Variants in PCDHGB1 observed in about 807,000 individuals in gnomAD.
PCDHGB1 encodes protocadherin gamma-B1.
Under a neutral mutation model 56.6 loss-of-function variants are expected in PCDHGB1, and 34 were observed. That is an observed-to-expected ratio of 0.60 (90% CI 0.46 to 0.80). The LOEUF (loss-of-function observed/expected upper bound fraction) is 0.80, where lower values mean the gene tolerates loss of function less well. PCDHGB1 is among the 30% of genes least tolerant of loss of function. The pLI, the probability that PCDHGB1 is intolerant of heterozygous loss-of-function variation, is 0.00. For synonymous variants in PCDHGB1, 561 were observed against 505.9 expected, an observed-to-expected ratio of 1.11 and a Z score of -1.46; for missense variants, 1,278 against 1,204.6, an observed-to-expected ratio of 1.06 and a Z score of -0.90.
chr5:141,505,570 C>A, intron 3 of PCDHGB1, 89 bp downstream of exon 3: 1 of 1,598,160 alleles, frequency 6.3e-7, no homozygotes, highest in South Asian at 1.1e-5. Context: ...GACTGGATGT[C>A]AAACCTGTGT....
chr5:141,399,278 G>A (rs1373250809), intron 1 of PCDHGB1: 2 of 1,613,792 alleles, frequency 1.2e-6, no homozygotes, highest in African/African-American at 1.3e-5. Context: ...CAATTACAAG[G>A]CGAAGTCCCT....
chr5:141,489,267 C>A lies in PCDHGB1; in HGVS notation c.2410-5540C>A. On this transcript the variant is annotated intron_variant, in intron 1 of 3. Transcript: ENST00000523390. This position sits in a 1 kb window ranked among gnomAD's most constrained non-coding sequence, Gnocchi z 4.5. ...TGGGGCCCAAGACACTCCCACAGCT[C>A]GCTGGGAAATGGCAAGTGCTGTGCA... is the stretch of plus-strand genomic sequence containing the variant. 1 of 1,553,300 alleles carries A rather than the reference C, an allele frequency of 6.4e-7. No homozygotes were observed. The highest frequency in any genetic ancestry group is 8.7e-7 in the Non-Finnish European group (1 of 1,149,864).
chr5:141,421,515 CTG>C, intron 1 of PCDHGB1: 1 of 1,614,080 alleles, frequency 6.2e-7, no homozygotes, highest in Non-Finnish European at 8.5e-7. Context: ...GGGAGGAGCT[CTG>C]TGAGACGGTG....
chr5:141,357,407 C>T lies in PCDHGB1; in HGVS notation c.2409+4738C>T, dbSNP rs752595373. 1.5e-5 allele frequency: 25 copies of T among 1,614,128 alleles called. No individual in the cohort carries two copies. The East Asian group carries it at 4.7e-4, about 30-fold the overall frequency. ...GAAGGCAGCAGGTTGGCAGGTGTGC[C>T]TGCCTCGCACTTTGTGGGCGTGGAC... On this transcript the variant is annotated intron_variant, in intron 1 of 3. Transcript: ENST00000523390.
At chr5:141,377,453 C>T (rs1242702883) in intron 1 of PCDHGB1, 1 of 151,916 alleles carries the variant, frequency 6.6e-6, no homozygotes, top group Non-Finnish European at 1.5e-5. Flanking sequence ...AAAAAGTAGC[C>T]AGATGTGTGG....
chr5:141,393,984 C>T (rs1176875822), intron 1 of PCDHGB1: 1 of 1,613,570 alleles, frequency 6.2e-7, no homozygotes, highest in Non-Finnish European at 8.5e-7. Flanking sequence ...TGATAATTTA[C>T]CTTTTAAATT....
At chr5:141,376,952 G>T (rs1773571680) in intron 1 of PCDHGB1, 1 of 165,710 alleles carries the variant, frequency 6.0e-6, no homozygotes, top group African/African-American at 2.4e-5. Flanking sequence ...CTCCCAAAGT[G>T]CTGGGATTAC....
chr5:141,398,799 C>A, intron 1 of PCDHGB1: 1 of 1,613,966 alleles, frequency 6.2e-7, no homozygotes, highest in South Asian at 1.1e-5. Context: ...CCCTAAGCGG[C>A]ACCACTGAGC....
chr5:141,448,338 T>A (rs1053822287), intron 1 of PCDHGB1, among the ~76,000 whole-genome samples: 1 of 152,192 alleles, frequency 6.6e-6, no homozygotes, highest in African/African-American at 2.4e-5. Context: ...TATAGCCATG[T>A]ACCTCAATCT....
At chr5:141,430,996 G>C in intron 1 of PCDHGB1, 8 of 1,614,024 alleles carry the variant, frequency 5.0e-6, no homozygotes, top group Middle Eastern at 3.3e-4. Context: ...CCCTGAATCC[G>C]CGCAGCGGCA....
At chr5:141,371,563 T>C in intron 1 of PCDHGB1, 2 of 1,613,806 alleles carry the variant, frequency 1.2e-6, no homozygotes, top group Non-Finnish European at 1.7e-6. Flanking sequence ...AAAGGAAACT[T>C]CCCCTTTAAA....
At chr5:141,371,062 G>GGGTAA (rs757228720) in intron 1 of PCDHGB1, 2 of 1,613,974 alleles carry the variant, frequency 1.2e-6, no homozygotes, top group South Asian at 2.2e-5. Flanking sequence ...CCCTCCAGAA[G>GGGTAA]CTGTACCACC....
chr5:141,436,962 C>A (rs1462988296), intron 1 of PCDHGB1, among the ~76,000 whole-genome samples: 1 of 152,144 alleles, frequency 6.6e-6, no homozygotes, highest in Non-Finnish European at 1.5e-5. Context: ...AAACAAGGAT[C>A]TTGTGAAACT....
At chr5:141,402,260 A>C (rs2094244604) in intron 1 of PCDHGB1, among the ~76,000 whole-genome samples, 2 of 152,144 alleles carry the variant, frequency 1.3e-5, no homozygotes, top group South Asian at 4.1e-4. Context: ...AACCCCAGAA[A>C]ATAATTTCAA....
At position 141,477,055 on chromosome 5, in the gene PCDHGB1, G is replaced by A. The variant is rs531755338; in HGVS notation, c.2410-17752G>A. Reference sequence around the variant, plus strand: ...CAATCAAGGGTCGGCTGGACTTCGAGGACACCAAACTCCATGAGATTTACA... The same window carrying A: ...CAATCAAGGGTCGGCTGGACTTCGAAGACACCAAACTCCATGAGATTTACA... On this transcript the variant is annotated intron_variant, in intron 1 of 3. Transcript: ENST00000523390. This position sits in a 1 kb window ranked among gnomAD's most constrained non-coding sequence, Gnocchi z 4.9. The A allele has an allele frequency of 4.5e-5, 72 of 1,614,242 alleles. 1 individual carries two copies. In the South Asian group the frequency reaches 7.8e-4, roughly 17 times the overall value.
chr5:141,366,679 G>C (rs1414514905), intron 1 of PCDHGB1: 2 of 1,614,156 alleles, frequency 1.2e-6, no homozygotes, highest in Non-Finnish European at 1.7e-6. Flanking sequence ...TTAGTGAAGA[G>C]AGCTGTGAGA....
chr5:141,477,189 A>G lies in PCDHGB1; in HGVS notation c.2410-17618A>G, dbSNP rs377372902. ...CCGGAGATCACAGTCACCTCCGTGT[A>G]CAGCCCAGTACCCGAGGATGCCCCT... On this transcript the variant is annotated intron_variant, in intron 1 of 3. Coordinates refer to ENST00000523390, the MANE Select transcript of PCDHGB1 (RefSeq NM_018922.3). The surrounding 1 kb of genome is among the most constrained non-coding windows in gnomAD (Gnocchi z 4.9). 6.2e-7 allele frequency: 1 copy of G among 1,614,070 alleles called. No homozygotes were observed. The highest frequency in any genetic ancestry group is 8.5e-7 in the Non-Finnish European group (1 of 1,180,040).
rs1758648471 is a variant in PCDHGB1, at chr5:141,351,108, T to C, written c.848T>C (p.Ile283Thr). The C allele has an allele frequency of 6.2e-7, 1 of 1,613,900 alleles. No homozygotes were observed. Among genetic ancestry groups the C allele is most frequent in the African/African-American group, 1.3e-5 (1 of 74,914 alleles). Residue 283 changes from isoleucine to threonine, a missense_variant, in exon 1 of 4, where the codon ATA (isoleucine) becomes ACA (threonine). Transcript: ENST00000523390. ...ACCTATGCCTTCCTCAATTCCCCAA[T>C]AAGTACCAGCCTCTTCAATCTCAAT... The part of the protein sequence containing the change: ...EITYAFLNSP[I>T]STSLFNLNPN...
intron 1 of PCDHGB1, chr5:141,360,455 A>C (rs369787624): frequency 6.2e-7 from 1 of 1,613,862 alleles, no homozygotes; most frequent in Non-Finnish European, 8.5e-7. Context: ...CTGGATTTCG[A>C]TACTGTCGCT....
Sources: allele counts gnomAD v4.1 joint callset (sites outside exome capture counted in the v4.1 genomes callset), GRCh38; gene constraint gnomAD v4.1.1; non-coding constraint Gnocchi (gnomAD v3.1); transcripts MANE v1.5; gene names NCBI Gene and HGNC (gene_info 2026-07-23, HGNC 2026-07-21).